TRIM49: variants seen among roughly 807,000 people sequenced by gnomAD.
The protein encoded by TRIM49 is tripartite motif-containing protein 49.
Under a neutral mutation model 27.4 loss-of-function variants are expected in TRIM49, and 5 were observed. The ratio of observed to expected loss-of-function variants is 0.18; its 90% confidence interval spans 0.10 to 0.38. The LOEUF is 0.38. Among genes scored for constraint, TRIM49 ranks in the 10% least tolerant of loss-of-function variants. The probability of loss-of-function intolerance (pLI) is 1.00; values close to 1 mark genes in which losing one functional copy is unlikely to be tolerated. For synonymous variants in TRIM49, 69 were observed against 166.0 expected, an observed-to-expected ratio of 0.42 and a Z score of 4.49; for missense variants, 188 against 487.5, an observed-to-expected ratio of 0.39 and a Z score of 5.79.
the TRIM49 span, among the ~76,000 whole-genome samples, chr11:89,790,844 C>T: frequency 6.6e-6 from 1 of 152,106 alleles, no homozygotes; most frequent in South Asian, 2.1e-4. Flanking sequence ...CAGAGCACCT[C>T]TCCCCCTCCA....
chr11:89,787,864 G>T, the TRIM49 span: 1 of 432,042 alleles, frequency 2.3e-6, no homozygotes, highest in South Asian at 2.7e-5. Flanking sequence ...CTTGACACGG[G>T]GTTTGAGGGC....
intron 6 of TRIM49, 42 bp from the exon 7 acceptor site, chr11:89,799,855 A>C: frequency 7.0e-7 from 1 of 1,424,070 alleles, no homozygotes; most frequent in Non-Finnish European, 9.7e-7. Context: ...ACAGCCATAA[A>C]ATAAATAAAA....
downstream of TRIM49, among the ~76,000 whole-genome samples, chr11:89,792,991 C>T (rs1406424197): frequency 6.6e-6 from 1 of 152,088 alleles, no homozygotes; most frequent in African/African-American, 2.4e-5. Context: ...AATTGATAGA[C>T]TGCTAGCAAG....
the TRIM49 span, among the ~76,000 whole-genome samples, chr11:89,791,704 G>A: frequency 6.6e-6 from 1 of 152,090 alleles, no homozygotes; most frequent in Non-Finnish European, 1.5e-5. Context: ...GAGAGATTTT[G>A]TCACCACCAG....
chr11:89,793,130 A>C (rs1278230956), downstream of TRIM49, among the ~76,000 whole-genome samples: 3 of 152,204 alleles, frequency 2.0e-5, no homozygotes, highest in Non-Finnish European at 4.4e-5. Context: ...TATGCAAATA[A>C]ACTAGAAAAT....
At chr11:89,772,775 A>G in the TRIM49 span, among the ~76,000 whole-genome samples, 2 of 131,748 alleles carry the variant, frequency 1.5e-5, no homozygotes, top group Non-Finnish European at 3.1e-5. Flanking sequence ...TGGATTTCTG[A>G]TAATATTGTG....
At chr11:89,785,230 A>G in the TRIM49 span, among the ~76,000 whole-genome samples, 33 of 15,722 alleles carry the variant, frequency 2.1e-3, no homozygotes, top group African/African-American at 5.6e-3. Context: ...CTCAGTGAAT[A>G]AATAAATAAA....
chr11:89,796,399 T>C (rs948912640), downstream of TRIM49, among the ~76,000 whole-genome samples: 20 of 143,620 alleles, frequency 1.4e-4, 2 homozygotes, highest in Non-Finnish European at 2.8e-4. Flanking sequence ...GCCAGGCTGA[T>C]TTCTAAAGGA....
chr11:89,769,899 A>G, the TRIM49 span, among the ~76,000 whole-genome samples: 1 of 112,870 alleles, frequency 8.9e-6, no homozygotes, highest in Non-Finnish European at 1.7e-5. Flanking sequence ...AGGGCTGGAT[A>G]TGGGTAGAGT....
At chr11:89,766,856 T>C in the TRIM49 span, 2 of 1,225,800 alleles carry the variant, frequency 1.6e-6, no homozygotes, top group Non-Finnish European at 2.3e-6. Flanking sequence ...TATTCTTCCT[T>C]ATCCAGGAGT....
At chr11:89,791,789 A>T in the TRIM49 span, among the ~76,000 whole-genome samples, 6 of 152,318 alleles carry the variant, frequency 3.9e-5, no homozygotes, top group South Asian at 1.2e-3. Flanking sequence ...CTGCAAAAAC[A>T]TGCCAAATTG....
the TRIM49 span, among the ~76,000 whole-genome samples, chr11:89,776,655 CTAGAGA>C: frequency 0.01 from 1,565 of 151,676 alleles, 36 homozygotes; most frequent in African/African-American, 0.036. Flanking sequence ...TCAAAGTAAT[CTAGAGA>C]TAAAGTATTC....
the TRIM49 span, among the ~76,000 whole-genome samples, chr11:89,783,455 A>C: frequency 9.2e-6 from 1 of 109,130 alleles, no homozygotes; most frequent in Non-Finnish European, 1.8e-5. Context: ...TATCAAAGAT[A>C]ATACTATTAT....
At chr11:89,773,149 C>G in the TRIM49 span, among the ~76,000 whole-genome samples, 1 of 136,092 alleles carries the variant, frequency 7.3e-6, no homozygotes, top group Admixed American at 6.9e-5. Context: ...TGAGATCATG[C>G]CATTGCACTC....
rs770202107 is a variant in TRIM49, at chr11:89,804,289, G to A, written c.181C>T (p.Gln61Ter). ...QCSECTKSTE[Q>*]INLKTNIHLK... Reference sequence around the variant, plus strand: ...TGAATGTTGGTTTTGAGGTTTATCTGCTCGGTTGACTTTGTGCATTCAGAG... The same window carrying A: ...TGAATGTTGGTTTTGAGGTTTATCTACTCGGTTGACTTTGTGCATTCAGAG... Residue 61 changes from glutamine (Q) to a stop codon, truncating the protein, a stop_gained, in exon 3 of 8, where the codon CAG (glutamine) becomes TAG (stop). Coordinates refer to ENST00000329758, the MANE Select transcript of TRIM49 (RefSeq NM_020358.2). LOFTEE classifies it high-confidence loss of function. The A allele has an allele frequency of 2.5e-6, 4 of 1,612,182 alleles. No individual in the cohort carries two copies. The highest frequency in any genetic ancestry group is 2.5e-6 in the Non-Finnish European group (3 of 1,179,174).
chr11:89,793,273 G>A (rs1203922639), downstream of TRIM49, among the ~76,000 whole-genome samples: 1 of 152,062 alleles, frequency 6.6e-6, no homozygotes, highest in Non-Finnish European at 1.5e-5. Flanking sequence ...TCCGGGTCCG[G>A]ATGGATTCAC....
chr11:89,801,172 G>A (rs1565446185), intron 5 of TRIM49, among the ~76,000 whole-genome samples, 184 bp from the exon 6 acceptor site: 1 of 149,712 alleles, frequency 6.7e-6, no homozygotes, highest in Non-Finnish European at 1.5e-5. Context: ...ATTAATTAAC[G>A]TCCTGGGAAA....
rs756866845 is a variant in TRIM49, at chr11:89,798,610, A to G, written c.879T>C (p.His293=). 52 of 1,557,910 alleles carry G rather than the reference A, an allele frequency of 3.3e-5. No individual in the cohort carries two copies. The highest frequency in any genetic ancestry group is 4.3e-5 in the Non-Finnish European group (50 of 1,163,624). The change falls in exon 8 of 8, where the codon CAT becomes CAC. Residue 293 remains histidine (H), a synonymous_variant. Coordinates refer to ENST00000329758, the MANE Select transcript of TRIM49 (RefSeq NM_020358.2). ...NQFRVHITLH[H]EEANNDIFLY... ...GAAAGATATCATTGTTGGCTTCTTCATGATGCAGAGTAATATGCACTGCAA... is the reference window on the plus strand; with the variant it reads ...GAAAGATATCATTGTTGGCTTCTTCGTGATGCAGAGTAATATGCACTGCAA...
At chr11:89,772,620 G>T in the TRIM49 span, among the ~76,000 whole-genome samples, 11 of 132,954 alleles carry the variant, frequency 8.3e-5, no homozygotes, top group Admixed American at 2.8e-4. Context: ...ATATTAGCAA[G>T]AAATCCTAAT....
Sources: gnomAD v4.1 joint callset for allele counts (sites outside exome capture counted in the v4.1 genomes callset) on GRCh38, gnomAD v4.1.1 for gene constraint, MANE v1.5 for transcripts, NCBI Gene and HGNC (gene_info 2026-07-23, HGNC 2026-07-21) for gene names.